Variants in ZBTB16 observed in about 807,000 individuals in gnomAD.
ZBTB16 encodes the protein zinc finger and BTB domain containing 16.
Under a neutral mutation model 56.8 loss-of-function variants are expected in ZBTB16, and 8 were observed. The ratio of observed to expected loss-of-function variants is 0.14; its 90% CI spans 0.08 to 0.25. The LOEUF is 0.25. Ranked by LOEUF, ZBTB16 falls within the 10% of genes least tolerant of loss-of-function variation. The probability of loss-of-function intolerance (pLI) is 1.00; values close to 1 mark genes in which losing one functional copy is unlikely to be tolerated. For missense variants in ZBTB16, 625 were observed against 903.0 expected (o/e 0.69, Z 3.95); for synonymous variants, 363 against 368.5 (o/e 0.98, Z 0.17).
At chr11:114,107,807 T>A (rs990158058) in intron 2 of ZBTB16, among the ~76,000 whole-genome samples, 7 of 152,154 alleles carry the variant, frequency 4.6e-5, no homozygotes, top group African/African-American at 1.7e-4. Flanking sequence ...GAGTGGAGCT[T>A]GGATTGGAGA....
At chr11:114,115,341 CT>C (rs35873921) in intron 2 of ZBTB16, among the ~76,000 whole-genome samples, 27,302 of 127,468 alleles carry the variant, frequency 0.21, 3,125 homozygotes, top group African/African-American at 0.31. Flanking sequence ...CTCCTTCCTC[CT>C]TTTTTTTTTT....
chr11:114,146,912 AG>A (rs1254504765), intron 2 of ZBTB16, among the ~76,000 whole-genome samples: 1 of 151,920 alleles, frequency 6.6e-6, no homozygotes, highest in African/African-American at 2.4e-5. Flanking sequence ...TTTTTCTAGA[AG>A]AAAGGAAGAA....
intron 2 of ZBTB16, among the ~76,000 whole-genome samples, chr11:114,127,100 A>G (rs1265582794): frequency 1.3e-5 from 2 of 151,410 alleles, no homozygotes; most frequent in Admixed American, 6.6e-5. Context: ...TTGCCCCCCA[A>G]CTCCACTATT....
At chr11:114,188,859 T>C in intron 4 of ZBTB16, 1 of 152,084 alleles carries the variant, frequency 6.6e-6, no homozygotes, top group East Asian at 1.9e-4. Context: ...GTGGATAAAA[T>C]GGTTAGGGAA....
At chr11:114,200,487 A>T (rs1943713433) in intron 4 of ZBTB16, among the ~76,000 whole-genome samples, 3 of 152,198 alleles carry the variant, frequency 2.0e-5, no homozygotes, top group Non-Finnish European at 4.4e-5. Context: ...CAATATAGTC[A>T]TCAGGACACC....
intron 2 of ZBTB16, among the ~76,000 whole-genome samples, chr11:114,134,079 C>T (rs561328928): frequency 1.3e-5 from 2 of 152,168 alleles, no homozygotes; most frequent in African/African-American, 2.4e-5. Context: ...TGGATCGTGA[C>T]AGTTTTTCTT....
intron 3 of ZBTB16, among the ~76,000 whole-genome samples, chr11:114,182,038 A>T (rs1424869065): frequency 1.3e-5 from 2 of 151,934 alleles, no homozygotes; most frequent in African/African-American, 4.8e-5. Context: ...ATCTTTACTC[A>T]ATGCTTTGTT....
chr11:114,089,073 A>G lies in ZBTB16; in HGVS notation c.1268+24505A>G, dbSNP rs377471087. ...CCCTCCTCACCCCCACCCAGTACCCACGTGATTGGGCCACATCCCAGTAAC... is the reference window on the plus strand; with the variant it reads ...CCCTCCTCACCCCCACCCAGTACCCGCGTGATTGGGCCACATCCCAGTAAC... On this transcript the variant is annotated intron_variant, in intron 2 of 6. Coordinates refer to ENST00000335953, the MANE Select transcript of ZBTB16 (RefSeq NM_006006.6). Among the ~76,000 whole-genome samples, 432 of 152,318 alleles carry G rather than the reference A, an allele frequency of 2.8e-3. 4 individuals carry two copies. The highest frequency in any genetic ancestry group is 9.9e-3 in the African/African-American group (412 of 41,578).
chr11:114,146,744 G>C (rs1942115912), intron 2 of ZBTB16, among the ~76,000 whole-genome samples: 1 of 151,692 alleles, frequency 6.6e-6, no homozygotes, highest in Non-Finnish European at 1.5e-5. Flanking sequence ...AGCTACTCTG[G>C]AGGCTGAGGC....
chr11:114,096,943 C>T (rs1433187025), intron 2 of ZBTB16, among the ~76,000 whole-genome samples: 1 of 152,128 alleles, frequency 6.6e-6, no homozygotes, highest in Non-Finnish European at 1.5e-5. Context: ...TATACACACA[C>T]ACACACACCC....
chr11:114,115,880 C>T (rs1332967474), intron 2 of ZBTB16, among the ~76,000 whole-genome samples: 6 of 152,110 alleles, frequency 3.9e-5, no homozygotes, highest in East Asian at 1.9e-4. Context: ...AGCGAGCATG[C>T]GTTCATGTGC....
intron 4 of ZBTB16, among the ~76,000 whole-genome samples, chr11:114,212,235 G>C (rs1944012275): frequency 6.6e-6 from 1 of 152,060 alleles, no homozygotes; most frequent in African/African-American, 2.4e-5. Context: ...ATTAAAAGTC[G>C]CAGGAAAATT....
At chr11:114,103,597 G>T (rs1248482552) in intron 2 of ZBTB16, among the ~76,000 whole-genome samples, 1 of 151,856 alleles carries the variant, frequency 6.6e-6, no homozygotes, top group African/African-American at 2.4e-5. Context: ...TCTCTCGGGG[G>T]ATTAACTCCT....
At chr11:114,085,999 G>A (rs1198893143) in intron 2 of ZBTB16, among the ~76,000 whole-genome samples, 1 of 152,138 alleles carries the variant, frequency 6.6e-6, no homozygotes, top group Non-Finnish European at 1.5e-5. Context: ...AGCCTTCTAC[G>A]TATTTAGTGA....
At position 114,148,421 on chromosome 11, in the gene ZBTB16, C is replaced by CTCTCTCTCTCTCTCTCTGTCTGTCTG. The variant is rs770626931; in HGVS notation, c.1269-7914_1269-7913insTCTCTCTCTCTCTCTGTCTGTCTGTC. Among the ~76,000 whole-genome samples the CTCTCTCTCTCTCTCTCTGTCTGTCTG allele has an allele frequency of 1.2e-4, 4 of 33,578 alleles. 1 individual carries two copies. The highest frequency in any genetic ancestry group is 8.3e-4 in the African/African-American group (4 of 4,800). 22.0% of individuals were successfully genotyped at this position (33,578 alleles called of 152,430 possible). A position where few individuals can be genotyped will look rare whatever the true frequency, so the allele number is the denominator to read the frequency against. On this transcript the variant is annotated intron_variant, in intron 2 of 6. Transcript: ENST00000335953. ...CCTCCCTCCCTCCCTCCCTCCCTCC[C>CTCTCTCTCTCTCTCTCTGTCTGTCTG]TCCCTCTCTCTCTCTTTCTCTCTCT...
intron 2 of ZBTB16, among the ~76,000 whole-genome samples, chr11:114,140,204 C>A (rs1941909882): frequency 6.6e-6 from 1 of 152,228 alleles, no homozygotes; most frequent in African/African-American, 2.4e-5. Flanking sequence ...ACCACCTCCT[C>A]TTCTATGTCT....
chr11:114,138,505 A>C (rs890637628), intron 2 of ZBTB16, among the ~76,000 whole-genome samples: 9 of 151,958 alleles, frequency 5.9e-5, no homozygotes, highest in Non-Finnish European at 1.0e-4. Context: ...TTTTACATAC[A>C]TATGTCTTGC....
At chr11:114,113,808 G>T (rs909007991) in intron 2 of ZBTB16, among the ~76,000 whole-genome samples, 1 of 152,106 alleles carries the variant, frequency 6.6e-6, no homozygotes, top group Non-Finnish European at 1.5e-5. Flanking sequence ...AGGTTATTGG[G>T]GCAGATATAA....
rs1938825340 is a variant in ZBTB16, at chr11:114,060,958, G to A, written c.-91+1076G>A. Among the ~76,000 whole-genome samples the A allele has an allele frequency of 6.6e-6, 1 of 152,080 alleles. No homozygotes were observed. Among genetic ancestry groups the A allele is most frequent in the Non-Finnish European group, 1.5e-5 (1 of 67,974 alleles). ...GTGCTTCCCCTTCGCCGCGGGGCGGGTCCGCCTCCCCTGCCGCTCTCGCCG... is the reference window on the plus strand; with the variant it reads ...GTGCTTCCCCTTCGCCGCGGGGCGGATCCGCCTCCCCTGCCGCTCTCGCCG... On this transcript the variant is annotated intron_variant, in intron 1 of 6. Coordinates refer to ENST00000335953, the MANE Select transcript of ZBTB16 (RefSeq NM_006006.6). This position sits in a 1 kb window ranked among gnomAD's most constrained non-coding sequence, Gnocchi z 6.0.
Sources: allele counts gnomAD v4.1 joint callset (sites outside exome capture counted in the v4.1 genomes callset), GRCh38; gene constraint gnomAD v4.1.1; non-coding constraint Gnocchi (gnomAD v3.1); transcripts MANE v1.5; gene names NCBI Gene and HGNC (gene_info 2026-07-23, HGNC 2026-07-21).